MBD5: variants seen among roughly 807,000 people sequenced by gnomAD.
MBD5 encodes the protein methyl-CpG-binding domain protein 5.
MBD5 carries 13 observed loss-of-function variants against 117.3 expected under a neutral mutation model. That is an observed-to-expected ratio of 0.11 (90% CI 0.07 to 0.18). The LOEUF (loss-of-function observed/expected upper bound fraction) is 0.18. Ranked by LOEUF, MBD5 falls within the 10% of genes least tolerant of loss-of-function variation. MBD5 has a pLI of 1.00. For synonymous variants in MBD5, 727 were observed against 766.4 expected (o/e 0.95, Z 0.85); for missense variants, 1,879 against 2,093.8 (o/e 0.90, Z 2.00).
At chr2:148,238,357 T>C (rs1574177248) in intron 3 of MBD5, among the ~76,000 whole-genome samples, 2 of 152,280 alleles carry the variant, frequency 1.3e-5, no homozygotes, top group East Asian at 1.9e-4. Context: ...AGGGTATGCA[T>C]GGACTGTTCT....
Position 148,031,702 on chromosome 2 carries a change from A to G in MBD5, c.-925+10018A>G, listed in dbSNP as rs1189589094. Among the ~76,000 whole-genome samples the G allele has an allele frequency of 2.0e-5, 3 of 152,160 alleles. 1 individual carries two copies. Among genetic ancestry groups the G allele is most frequent in the South Asian group, 4.1e-4 (2 of 4,830 alleles). ...ATAAGGAAATGAATAGGTCCTTGCA[A>G]TTATGACTAGAGAGTCCATTGGAGT... On this transcript the variant is annotated intron_variant, in intron 1 of 13. Coordinates refer to ENST00000642680, the MANE Select transcript of MBD5 (RefSeq NM_001378120.1).
chr2:148,234,246 G>A (rs981877882), intron 3 of MBD5, among the ~76,000 whole-genome samples: 1 of 152,062 alleles, frequency 6.6e-6, no homozygotes, highest in African/African-American at 2.4e-5. Flanking sequence ...TTCATACAAA[G>A]AAACTATATA....
intron 1 of MBD5, among the ~76,000 whole-genome samples, chr2:148,176,714 T>C (rs1698399172): frequency 2.0e-5 from 3 of 152,032 alleles, no homozygotes; most frequent in African/African-American, 7.2e-5. Flanking sequence ...CAGCAACAAT[T>C]TTCGAAACTA....
intron 3 of MBD5, among the ~76,000 whole-genome samples, chr2:148,255,708 C>T (rs1005027320): frequency 1.3e-5 from 2 of 152,182 alleles, no homozygotes; most frequent in Non-Finnish European, 2.9e-5. Context: ...GCCATTCATT[C>T]GAGGTTTAGA....
At chr2:148,171,224 A>G (rs1698254797) in intron 1 of MBD5, among the ~76,000 whole-genome samples, 1 of 152,252 alleles carries the variant, frequency 6.6e-6, no homozygotes, top group Non-Finnish European at 1.5e-5. Flanking sequence ...ATATTATGCA[A>G]ATATCCTCAA....
In MBD5 at chr2:148,485,744, G is replaced by C. The variant is rs956197906; in HGVS notation, c.3547G>C (p.Asp1183His). ...ATTTTATGTTTTTCAAACTGTAGGTGATATGTCATCAATAAACAATACTTT... is the reference window on the plus strand; with the variant it reads ...ATTTTATGTTTTTCAAACTGTAGGTCATATGTCATCAATAAACAATACTTT... ...NPLLGTGLLG[D>H]MSSINNTLSN... is the part of the protein sequence containing the mutation. The change falls in exon 10 of 14, where the codon GAT (aspartate) becomes CAT (histidine). Residue 1183 changes from aspartate (D) to histidine (H), a missense_variant and splice_region_variant. Transcript: ENST00000642680. 1 of 1,606,654 alleles carries C rather than the reference G, an allele frequency of 6.2e-7. No homozygotes were observed. Among genetic ancestry groups the C allele is most frequent in the South Asian group, 1.1e-5 (1 of 90,578 alleles).
intron 1 of MBD5, among the ~76,000 whole-genome samples, chr2:148,051,259 A>G (rs898606675): frequency 1.3e-5 from 2 of 152,086 alleles, no homozygotes; most frequent in African/African-American, 4.8e-5. Context: ...TGCTTTTTGC[A>G]TATTAATTTT....
At chr2:148,286,511 C>T (rs1701371956) in intron 3 of MBD5, among the ~76,000 whole-genome samples, 1 of 152,206 alleles carries the variant, frequency 6.6e-6, no homozygotes, top group African/African-American at 2.4e-5. Flanking sequence ...CTACTCCCAA[C>T]ACTCTCTGCA....
At chr2:148,492,368 C>T (rs1290847097) in intron 11 of MBD5, among the ~76,000 whole-genome samples, 1 of 151,834 alleles carries the variant, frequency 6.6e-6, no homozygotes, top group Non-Finnish European at 1.5e-5. Flanking sequence ...ACTGGCTGAC[C>T]TTGTCATTTT....
intron 5 of MBD5, among the ~76,000 whole-genome samples, chr2:148,462,066 T>C (rs2105565676): frequency 6.6e-6 from 1 of 152,194 alleles, no homozygotes; most frequent in East Asian, 1.9e-4. Context: ...AAAAGAAACC[T>C]GTTTTTACAT....
chr2:148,182,589 G>A (rs769958130), intron 2 of MBD5, among the ~76,000 whole-genome samples: 12 of 152,196 alleles, frequency 7.9e-5, no homozygotes, highest in Non-Finnish European at 1.6e-4. Context: ...GGAATTTACT[G>A]TTTCTTTTAA....
In MBD5 at chr2:148,485,886, G is replaced by A. The variant is rs1429887811; in HGVS notation, c.3689G>A (p.Gly1230Glu). 3.1e-6 allele frequency: 5 copies of A among 1,613,946 alleles called. No homozygotes were observed. In the South Asian group the frequency reaches 3.3e-5, roughly 11 times the overall value. ...TACCAGAATCTCCAGGCGTTCCAAG[G>A]ACAGTCCACAATTCCTTGCCCAGCT... ...QGYQNLQAFQ[G>E]QSTIPCPANN... is the part of the protein sequence containing the mutation. Residue 1230 changes from glycine (G) to glutamate (E), a missense_variant, in exon 10 of 14, where the codon GGA (glycine) becomes GAA (glutamate). Gly to Glu is a moderately conservative substitution (Grantham distance 98). Transcript: ENST00000642680.
chr2:148,037,864 T>C (rs898668364), intron 1 of MBD5, among the ~76,000 whole-genome samples: 6 of 151,976 alleles, frequency 3.9e-5, no homozygotes, highest in Non-Finnish European at 5.9e-5. Context: ...TTATAGTCTT[T>C]CCACTGAAGA....
Position 148,176,305 on chromosome 2 carries a change from T to G in MBD5, c.-924-2395T>G, listed in dbSNP as rs1293231256. Among the ~76,000 whole-genome samples the G allele has an allele frequency of 1.4e-4, 7 of 50,716 alleles. No homozygotes were observed. In the South Asian group the frequency reaches 2.7e-3, roughly 20 times the overall value. 33.3% of individuals were successfully genotyped at this position (50,716 alleles called of 152,430 possible). ...ATTACCTCTGTTTATTAGAGTTTTGTTTTTTTTTTTTTTTTTTCAGAAAAA... is the reference window on the plus strand; with the variant it reads ...ATTACCTCTGTTTATTAGAGTTTTGGTTTTTTTTTTTTTTTTTCAGAAAAA... On this transcript the variant is annotated intron_variant, in intron 1 of 13. Transcript: ENST00000642680.
chr2:148,155,233 C>G (rs1415594213), intron 1 of MBD5, among the ~76,000 whole-genome samples: 1 of 152,056 alleles, frequency 6.6e-6, no homozygotes. Context: ...ACCATTTAAG[C>G]AAAGATCTGA....
Position 148,168,801 on chromosome 2 carries a change from CA to C in MBD5, c.-924-9898del, listed in dbSNP as rs1698189394. Among the ~76,000 whole-genome samples, 4 of 151,950 alleles carry C rather than the reference CA, an allele frequency of 2.6e-5. No homozygotes were observed. In the South Asian group the frequency reaches 8.3e-4, roughly 32 times the overall value. ...CAGAGATATCTCTAAGGACTCAGTG[CA>C]GCAAGAAACAGAACCTGAGAAGATA... On this transcript the variant is annotated intron_variant, in intron 1 of 13. Transcript: ENST00000642680.
chr2:148,312,280 G>A (rs1015401391), intron 3 of MBD5, among the ~76,000 whole-genome samples: 1 of 152,134 alleles, frequency 6.6e-6, no homozygotes, highest in Non-Finnish European at 1.5e-5. Flanking sequence ...TCACTTTCAG[G>A]TACACCAATC....
chr2:148,203,588 T>C (rs1699198426), intron 2 of MBD5, among the ~76,000 whole-genome samples: 1 of 152,254 alleles, frequency 6.6e-6, no homozygotes, highest in East Asian at 1.9e-4. Context: ...GGAAGGAGGG[T>C]CAAGGAAAGG....
At chr2:148,429,771 T>C (rs182209951) in intron 4 of MBD5, among the ~76,000 whole-genome samples, 1 of 152,256 alleles carries the variant, frequency 6.6e-6, no homozygotes, top group African/African-American at 2.4e-5. Context: ...CCATATGTTC[T>C]CACTCATAAG....
Sources: gnomAD v4.1 joint callset for allele counts (sites outside exome capture counted in the v4.1 genomes callset) on GRCh38, gnomAD v4.1.1 for gene constraint, MANE v1.5 for transcripts, NCBI Gene and HGNC (gene_info 2026-07-23, HGNC 2026-07-21) for gene names.